The following PCDH15 variants were observed in gnomAD, a reference collection of about 807,000 sequenced individuals.
The protein encoded by PCDH15 is protocadherin related 15.
In PCDH15, 129 loss-of-function variants were observed where a neutral mutation model predicts 178.5. That is an observed-to-expected ratio of 0.72 (90% CI 0.63 to 0.84). The LOEUF is 0.84. PCDH15 is among the 40% of genes least tolerant of loss of function. The pLI, the probability that PCDH15 is intolerant of heterozygous loss-of-function variation, is 0.00. For missense variants in PCDH15, 2,230 were observed against 2,099.9 expected (o/e 1.06, Z -1.21); for synonymous variants, 800 against 732.0 (o/e 1.09, Z -1.50).
chr10:54,736,017 TA>T lies in PCDH15; in HGVS notation c.-29+64907del, dbSNP rs548670191. On this transcript the variant is annotated intron_variant, in intron 1 of 37. Transcript: ENST00000644397. ...TGTACCCTAAAACTTAAAGTATAAT[TA>T]AAAAAAAAAAGAAATATACTTTCTG... Among the ~76,000 whole-genome samples the T allele has an allele frequency of 2.9e-3, 420 of 145,258 alleles. 1 individual carries two copies. Among genetic ancestry groups the T allele is most frequent in the Middle Eastern group, 7.1e-3 (2 of 282 alleles).
At chr10:54,284,345 T>C (rs2058900718) in intron 8 of PCDH15, among the ~76,000 whole-genome samples, 1 of 152,166 alleles carries the variant, frequency 6.6e-6, no homozygotes, top group African/African-American at 2.4e-5. Context: ...TTTTACCAAA[T>C]AGCAAAGTCT....
chr10:54,942,921 A>G (rs1028990044), intron 2 of PCDH15, among the ~76,000 whole-genome samples: 3 of 151,990 alleles, frequency 2.0e-5, no homozygotes, highest in African/African-American at 7.2e-5. Context: ...ATGGCAATGC[A>G]TAATGTGGTG....
chr10:54,537,149 C>T (rs897059776), intron 2 of PCDH15, among the ~76,000 whole-genome samples: 1 of 151,960 alleles, frequency 6.6e-6, no homozygotes, highest in African/African-American at 2.4e-5. Context: ...CAGGCGCCCG[C>T]TACCATGCCC....
At chr10:54,973,401 T>C (rs548072572) in intron 2 of PCDH15, among the ~76,000 whole-genome samples, 95 of 152,368 alleles carry the variant, frequency 6.2e-4, no homozygotes, top group African/African-American at 2.2e-3. Flanking sequence ...CATAAAAATA[T>C]GCACATTTGT....
chr10:54,426,371 G>C (rs11004298), intron 3 of PCDH15, among the ~76,000 whole-genome samples: 1 of 151,946 alleles, frequency 6.6e-6, no homozygotes, highest in East Asian at 1.9e-4. Flanking sequence ...CATAAGGAGC[G>C]TGCAACCTAG....
chr10:53,908,385 T>C (rs2082828495), intron 25 of PCDH15, among the ~76,000 whole-genome samples: 1 of 152,208 alleles, frequency 6.6e-6, no homozygotes, highest in African/African-American at 2.4e-5. Context: ...GCTATAGTAA[T>C]ACCCTCTCCT....
At chr10:54,431,067 AT>A (rs1288905253) in intron 3 of PCDH15, among the ~76,000 whole-genome samples, 1 of 152,132 alleles carries the variant, frequency 6.6e-6, no homozygotes, top group Non-Finnish European at 1.5e-5. Context: ...GCAAGAAGAA[AT>A]AAAAAAACTG....
intron 1 of PCDH15, among the ~76,000 whole-genome samples, chr10:54,677,061 A>G (rs1454775449): frequency 6.6e-6 from 1 of 152,096 alleles, no homozygotes; most frequent in African/African-American, 2.4e-5. Context: ...ACACCAATCA[A>G]CTCATCATGC....
chr10:54,072,834 C>T (rs1309054607), intron 17 of PCDH15, among the ~76,000 whole-genome samples: 2 of 152,132 alleles, frequency 1.3e-5, no homozygotes, highest in African/African-American at 4.8e-5. Context: ...ATACTACCAG[C>T]ATAAAGGACT....
chr10:54,359,730 C>A (rs2185751), intron 5 of PCDH15, among the ~76,000 whole-genome samples: 17,425 of 151,792 alleles, frequency 0.11, 1,775 homozygotes, highest in African/African-American at 0.28. Context: ...TTTTTCTGTG[C>A]TTTCATTTGG....
upstream of PCDH15, among the ~76,000 whole-genome samples, chr10:54,804,948 T>TATATATAC (rs905516559): frequency 2.2e-4 from 28 of 127,182 alleles, no homozygotes; most frequent in Non-Finnish European, 3.3e-4. Context: ...TATATATATA[T>TATATATAC]ACAGAGTTTG....
chr10:55,364,591 C>CA (rs1387675574), intron 2 of PCDH15, among the ~76,000 whole-genome samples: 1 of 152,110 alleles, frequency 6.6e-6, no homozygotes, highest in African/African-American at 2.4e-5. Context: ...CACAGAGGCA[C>CA]ATGGCTATAT....
intron 3 of PCDH15, among the ~76,000 whole-genome samples, chr10:54,477,678 C>A (rs12261810): frequency 0.043 from 6,591 of 152,264 alleles, 307 homozygotes; most frequent in African/African-American, 0.12. Flanking sequence ...CTCACTGCAG[C>A]CTTCGACTTC....
At chr10:54,644,449 C>A (rs1216989933) in intron 2 of PCDH15, among the ~76,000 whole-genome samples, 1 of 151,792 alleles carries the variant, frequency 6.6e-6, no homozygotes, top group Non-Finnish European at 1.5e-5. Context: ...CTTTAACTTG[C>A]AACATGTCAT....
At chr10:54,590,266 AT>A (rs1222582673) in intron 2 of PCDH15, among the ~76,000 whole-genome samples, 1 of 152,162 alleles carries the variant, frequency 6.6e-6, no homozygotes, top group African/African-American at 2.4e-5. Flanking sequence ...AACATAACTG[AT>A]TTGCTCAAAG....
intron 2 of PCDH15, among the ~76,000 whole-genome samples, chr10:55,608,024 G>T (rs1843271375): frequency 6.6e-6 from 1 of 151,912 alleles, no homozygotes. Flanking sequence ...AGCGCCTACT[G>T]GTCAAATGAC....
At chr10:55,291,749 T>C (rs1057136886) in intron 1 of PCDH15, among the ~76,000 whole-genome samples, 2 of 152,108 alleles carry the variant, frequency 1.3e-5, no homozygotes, top group African/African-American at 4.8e-5. Flanking sequence ...GACTGGGCAA[T>C]TTACAAAATA....
At chr10:54,259,091 G>GATCT (rs879455766) in intron 8 of PCDH15, among the ~76,000 whole-genome samples, 5,106 of 152,194 alleles carry the variant, frequency 0.034, 213 homozygotes, top group African/African-American at 0.097. Flanking sequence ...AGGAGATAGT[G>GATCT]ACCTAAATTA....
chr10:54,581,716 A>T, intron 2 of PCDH15, among the ~76,000 whole-genome samples: 1 of 152,120 alleles, frequency 6.6e-6, no homozygotes, highest in South Asian at 2.1e-4. Flanking sequence ...GTATTAATAC[A>T]AAAACAGACA....
Sources: gnomAD v4.1 joint callset for allele counts (sites outside exome capture counted in the v4.1 genomes callset) on GRCh38, gnomAD v4.1.1 for gene constraint, MANE v1.5 for transcripts, NCBI Gene and HGNC (gene_info 2026-07-23, HGNC 2026-07-21) for gene names.